ATP2B1: variants seen among roughly 807,000 people sequenced by gnomAD.
ATP2B1 encodes the protein ATPase plasma membrane Ca2+ transporting 1.
In ATP2B1, 14 loss-of-function variants were observed where a neutral mutation model predicts 124.2. That is an observed-to-expected ratio of 0.11 (90% CI 0.07 to 0.18). The LOEUF is 0.18. ATP2B1 is among the 10% of genes least tolerant of loss of function. The pLI is 1.00. For missense variants in ATP2B1, 763 were observed against 1,466.1 expected, an observed-to-expected ratio of 0.52 and a Z score of 7.83; for synonymous variants, 449 against 492.4, an observed-to-expected ratio of 0.91 and a Z score of 1.17.
At chr12:89,593,913 T>G (rs1438894151) in intron 20 of ATP2B1, 2 of 151,950 alleles carry the variant, frequency 1.3e-5, no homozygotes, top group African/African-American at 4.8e-5. Flanking sequence ...AAAACCTAGG[T>G]TTCTGGGCTC....
intron 2 of ATP2B1, among the ~76,000 whole-genome samples, chr12:89,652,731 C>T (rs1420099368): frequency 6.7e-6 from 1 of 149,782 alleles, no homozygotes; most frequent in Non-Finnish European, 1.5e-5. Flanking sequence ...CTTGTGAAGG[C>T]TGCTGCTGTG....
At chr12:89,649,404 G>C (rs1884945170) in intron 2 of ATP2B1, among the ~76,000 whole-genome samples, 1 of 152,202 alleles carries the variant, frequency 6.6e-6, no homozygotes, top group Non-Finnish European at 1.5e-5. Flanking sequence ...AGATTGTTTT[G>C]GAACTCTAAT....
intron 10 of ATP2B1, 120 bp downstream of exon 10, chr12:89,621,429 T>A: frequency 1.4e-6 from 1 of 725,032 alleles, no homozygotes; most frequent in Non-Finnish European, 2.0e-6. Context: ...AATAAATATA[T>A]GCCTTTTAAA....
chr12:89,627,808 T>C, intron 6 of ATP2B1, 92 bp from the exon 7 acceptor site: 1 of 1,342,736 alleles, frequency 7.4e-7, no homozygotes, highest in Non-Finnish European at 1.1e-6. Flanking sequence ...TCTATAACAG[T>C]TGTTACACAA....
At chr12:89,664,483 T>C (rs1275938826) in intron 1 of ATP2B1, among the ~76,000 whole-genome samples, 1 of 152,240 alleles carries the variant, frequency 6.6e-6, no homozygotes, top group East Asian at 1.9e-4. Flanking sequence ...GAGGTTGGTC[T>C]AATTTTGCAA....
intron 1 of ATP2B1, among the ~76,000 whole-genome samples, chr12:89,657,770 G>A (rs10858915): frequency 0.42 from 64,527 of 152,028 alleles, 15,107 homozygotes; most frequent in Non-Finnish European, 0.51. Context: ...TCAGTCTAGG[G>A]AGCACACTTG....
In ATP2B1 at chr12:89,589,065, A is replaced by T. The variant is rs898259729; in HGVS notation, c.*1919T>A. The T allele has an allele frequency of 6.6e-6, 1 of 152,614 alleles. No homozygotes were observed. The highest frequency in any genetic ancestry group is 1.5e-5 in the Non-Finnish European group (1 of 68,020). 9.5% of individuals were successfully genotyped at this position (152,614 alleles called of 1,614,324 possible). A position where few individuals can be genotyped will look rare whatever the true frequency, so the allele number is the denominator to read the frequency against. On this transcript the variant is annotated 3_prime_UTR_variant, in exon 21 of 21. Coordinates refer to ENST00000428670, the MANE Select transcript of ATP2B1 (RefSeq NM_001366521.1). ...CTACCTCTTTTTTACAGTATGATTC[A>T]CTATAAATACCTGATGAATAAATGT...
chr12:89,663,113 G>A (rs1592908098), intron 1 of ATP2B1, among the ~76,000 whole-genome samples: 1 of 152,146 alleles, frequency 6.6e-6, no homozygotes, highest in East Asian at 1.9e-4. Context: ...TTGAAAAACA[G>A]ATTTTACAAT....
intron 1 of ATP2B1, among the ~76,000 whole-genome samples, chr12:89,677,953 A>ATT (rs1888815925): frequency 3.8e-5 from 1 of 26,264 alleles, no homozygotes. Flanking sequence ...GCATGCAGGA[A>ATT]TTATATATAT....
chr12:89,645,323 C>A (rs879160314), intron 2 of ATP2B1, among the ~76,000 whole-genome samples: 1 of 152,212 alleles, frequency 6.6e-6, no homozygotes, highest in East Asian at 1.9e-4. Context: ...TATAATAAAA[C>A]GAACAGTTTT....
At chr12:89,601,290 A>C (rs1875799189) in intron 19 of ATP2B1, 36 bp downstream of exon 19, 1 of 1,379,122 alleles carries the variant, frequency 7.3e-7, no homozygotes, top group Non-Finnish European at 9.9e-7. Context: ...AAAAAAAATC[A>C]CTTTAGGTTT....
chr12:89,685,148 G>A (rs1889812179), intron 1 of ATP2B1, among the ~76,000 whole-genome samples: 1 of 152,076 alleles, frequency 6.6e-6, no homozygotes, highest in African/African-American at 2.4e-5. Context: ...CTTACCAAGA[G>A]TGGGACATTT....
chr12:89,671,113 T>C (rs989187113), intron 1 of ATP2B1, among the ~76,000 whole-genome samples: 4 of 152,060 alleles, frequency 2.6e-5, no homozygotes, highest in Admixed American at 6.5e-5. Flanking sequence ...ACCAGGAGAA[T>C]ATCAGCAATT....
intron 1 of ATP2B1, 114 bp from the exon 2 acceptor site, chr12:89,656,221 A>G: frequency 2.5e-6 from 1 of 392,696 alleles, no homozygotes; most frequent in Non-Finnish European, 4.5e-6. Flanking sequence ...AATAATATAA[A>G]TATTTTTGAA....
At chr12:89,666,813 T>C (rs142938144) in intron 1 of ATP2B1, among the ~76,000 whole-genome samples, 1 of 152,272 alleles carries the variant, frequency 6.6e-6, no homozygotes, top group African/African-American at 2.4e-5. Flanking sequence ...ACTCCAGCTC[T>C]TTCCAGGGTC....
At chr12:89,663,948 T>C (rs1452621304) in intron 1 of ATP2B1, among the ~76,000 whole-genome samples, 4 of 152,226 alleles carry the variant, frequency 2.6e-5, no homozygotes, top group Non-Finnish European at 5.9e-5. Flanking sequence ...CAGCAGCCTT[T>C]ATAATTGCTT....
At chr12:89,623,639 G>A (rs1415462138) in intron 9 of ATP2B1, among the ~76,000 whole-genome samples, 1 of 152,166 alleles carries the variant, frequency 6.6e-6, no homozygotes, top group Non-Finnish European at 1.5e-5. Flanking sequence ...TGAGATGTTT[G>A]AAAATCATCA....
intron 2 of ATP2B1, among the ~76,000 whole-genome samples, chr12:89,655,075 A>T (rs944590605): frequency 6.6e-6 from 1 of 152,194 alleles, no homozygotes; most frequent in African/African-American, 2.4e-5. Context: ...ACCTGCCACA[A>T]ATACAAATTT....
At chr12:89,630,327 C>T (rs1437934841) in intron 6 of ATP2B1, among the ~76,000 whole-genome samples, 178 bp downstream of exon 6, 1 of 152,076 alleles carries the variant, frequency 6.6e-6, no homozygotes, top group African/African-American at 2.4e-5. Context: ...TTTCTCTGGC[C>T]ATGGTAAAGG....
Sources: gnomAD v4.1 joint callset for allele counts (sites outside exome capture counted in the v4.1 genomes callset) on GRCh38, gnomAD v4.1.1 for gene constraint, MANE v1.5 for transcripts, NCBI Gene and HGNC (gene_info 2026-07-23, HGNC 2026-07-21) for gene names.